The following PLS1 variants were observed in gnomAD, a reference collection of about 807,000 sequenced individuals.
PLS1 encodes the protein plastin 1.
In PLS1, 32 loss-of-function variants were observed where a neutral mutation model predicts 73.7. The observed-to-expected ratio is 0.43, with a 90% CI of 0.33 to 0.58. The LOEUF is 0.58. Among genes scored for constraint, PLS1 ranks in the 20% least tolerant of loss-of-function variants. The pLI is 0.04. For synonymous variants in PLS1, 217 were observed against 261.3 expected, an observed-to-expected ratio of 0.83 and a Z score of 1.63; for missense variants, 633 against 740.5, an observed-to-expected ratio of 0.85 and a Z score of 1.68.
At chr3:142,686,913 A>G (rs1004561648) in intron 9 of PLS1, among the ~76,000 whole-genome samples, 4 of 152,258 alleles carry the variant, frequency 2.6e-5, no homozygotes, top group African/African-American at 9.6e-5. Flanking sequence ...GACTGTCAGC[A>G]TATGCCAGGA....
intron 12 of PLS1, among the ~76,000 whole-genome samples, chr3:142,701,630 C>A (rs1308305615): frequency 3.3e-5 from 5 of 152,146 alleles, no homozygotes; most frequent in Admixed American, 3.3e-4. Context: ...AGAATATATG[C>A]TTTCCCTTAT....
At chr3:142,673,480 G>A (rs1193812098) in intron 4 of PLS1, 1 of 152,192 alleles carries the variant, frequency 6.6e-6, no homozygotes, top group Admixed American at 6.6e-5. Context: ...GCATTTGTGT[G>A]TGGACATATA....
intron 1 of PLS1, among the ~76,000 whole-genome samples, chr3:142,650,087 G>T (rs1341725447): frequency 6.6e-6 from 1 of 150,892 alleles, no homozygotes; most frequent in African/African-American, 2.4e-5. Flanking sequence ...ATTGTTTTGA[G>T]TAACCACCAA....
At chr3:142,687,749 T>C (rs1368743485) in intron 9 of PLS1, among the ~76,000 whole-genome samples, 1 of 152,098 alleles carries the variant, frequency 6.6e-6, no homozygotes, top group Admixed American at 6.5e-5. Flanking sequence ...AATATTTCAA[T>C]ATATATTTCT....
At chr3:142,710,203 A>G (rs1407265098) in intron 14 of PLS1, among the ~76,000 whole-genome samples, 1 of 137,948 alleles carries the variant, frequency 7.2e-6, no homozygotes, top group Non-Finnish European at 1.5e-5. Context: ...CTGCTTTGCC[A>G]TCTAATGTGC....
At chr3:142,614,997 C>G (rs1454289128) in intron 1 of PLS1, among the ~76,000 whole-genome samples, 2 of 151,890 alleles carry the variant, frequency 1.3e-5, no homozygotes, top group African/African-American at 4.8e-5. Flanking sequence ...AAAATTGAGA[C>G]AGAGAAGCAT....
intron 6 of PLS1, 63 bp downstream of exon 6, chr3:142,678,176 A>G: frequency 1.3e-6 from 1 of 743,140 alleles, no homozygotes; most frequent in African/African-American, 1.8e-5. Flanking sequence ...ACCTTTATTA[A>G]TGAATGCTTG....
At chr3:142,651,458 G>A (rs1441280686) in intron 1 of PLS1, among the ~76,000 whole-genome samples, 7 of 66,752 alleles carry the variant, frequency 1.0e-4, no homozygotes, top group African/African-American at 5.9e-4. Context: ...AAGGAACTCT[G>A]TCTCAAAAAA....
intron 1 of PLS1, among the ~76,000 whole-genome samples, chr3:142,609,350 G>A (rs980002337): frequency 6.6e-6 from 1 of 152,160 alleles, no homozygotes. Flanking sequence ...AGAAATCCAG[G>A]CTGCTGTGAT....
In PLS1 at chr3:142,705,149, C is replaced by T. The variant is rs2038432668; in HGVS notation, c.1629+563C>T. 1.3e-5 allele frequency among the ~76,000 whole-genome samples: 2 copies of T among 151,932 alleles called. 1 individual carries two copies. The highest frequency in any genetic ancestry group is 4.1e-4 in the South Asian group (2 of 4,824). ...ATAAATGTAGGTTAATATTATCTGA[C>T]TCTGGTAATCTAATCTTAAAAAATA... On this transcript the variant is annotated intron_variant, in intron 14 of 15. Transcript: ENST00000457734.
At chr3:142,706,242 G>A (rs1351625209) in intron 14 of PLS1, among the ~76,000 whole-genome samples, 1 of 152,118 alleles carries the variant, frequency 6.6e-6, no homozygotes, top group Non-Finnish European at 1.5e-5. Context: ...GACAAAGATT[G>A]TATAACTGAG....
intron 14 of PLS1, among the ~76,000 whole-genome samples, chr3:142,709,062 A>T (rs1932982195): frequency 6.6e-6 from 1 of 152,228 alleles, no homozygotes; most frequent in Non-Finnish European, 1.5e-5. Context: ...CTTGTATTTT[A>T]AAAAATAATC....
At chr3:142,616,705 C>G (rs2036221952) in intron 1 of PLS1, among the ~76,000 whole-genome samples, 1 of 152,092 alleles carries the variant, frequency 6.6e-6, no homozygotes, top group African/African-American at 2.4e-5. Flanking sequence ...CGGGTTCTAG[C>G]GATTCTCCTG....
At chr3:142,658,333 A>G (rs6440100) in intron 1 of PLS1, among the ~76,000 whole-genome samples, 36,241 of 151,866 alleles carry the variant, frequency 0.24, 6,790 homozygotes, top group African/African-American at 0.53. Flanking sequence ...AAAATTAGCC[A>G]GATGTGGTGA....
At chr3:142,694,381 A>T (rs952647324) in intron 10 of PLS1, 88 bp from the exon 11 acceptor site, 1 of 681,020 alleles carries the variant, frequency 1.5e-6, no homozygotes, top group Non-Finnish European at 2.5e-6. Context: ...GGTAGGTTTG[A>T]CCAGTTTGTA....
intron 1 of PLS1, among the ~76,000 whole-genome samples, chr3:142,625,998 A>C (rs534326904): frequency 5.3e-5 from 8 of 152,298 alleles, no homozygotes; most frequent in African/African-American, 1.7e-4. Context: ...TGAATGAATA[A>C]ATGAATTCAT....
chr3:142,673,215 T>TA (rs1319467756), intron 4 of PLS1, among the ~76,000 whole-genome samples: 1 of 152,142 alleles, frequency 6.6e-6, no homozygotes, highest in East Asian at 1.9e-4. Flanking sequence ...CCCAGCTAAT[T>TA]TTTCTATCTT....
At chr3:142,638,119 T>G (rs1309599618) in intron 1 of PLS1, among the ~76,000 whole-genome samples, 1 of 152,174 alleles carries the variant, frequency 6.6e-6, no homozygotes, top group African/African-American at 2.4e-5. Flanking sequence ...TAAAACTTTT[T>G]TATTCTATAA....
chr3:142,705,502 A>G (rs2038441346), intron 14 of PLS1, among the ~76,000 whole-genome samples: 1 of 152,224 alleles, frequency 6.6e-6, no homozygotes, highest in Non-Finnish European at 1.5e-5. Flanking sequence ...TTGCTTTTGC[A>G]TGCAAGCCGA....
Sources: gnomAD v4.1 joint callset for allele counts (sites outside exome capture counted in the v4.1 genomes callset) on GRCh38, gnomAD v4.1.1 for gene constraint, MANE v1.5 for transcripts, NCBI Gene and HGNC (gene_info 2026-07-23, HGNC 2026-07-21) for gene names.